The following IPMK variants were observed in gnomAD, a reference collection of about 807,000 sequenced individuals.
IPMK encodes the protein inositol 1,3,4,6-tetrakisphosphate 5-kinase.
A neutral mutation model predicts 45.8 loss-of-function variants in IPMK; 17 were observed. The observed-to-expected ratio is 0.37, with a 90% CI of 0.25 to 0.56. IPMK has a LOEUF of 0.56. Among genes scored for constraint, IPMK ranks in the 20% least tolerant of loss-of-function variants. The probability of loss-of-function intolerance (pLI) is 0.79; values close to 1 mark genes in which losing one functional copy is unlikely to be tolerated. For missense variants in IPMK, 399 were observed against 498.0 expected (o/e 0.80, Z 1.89); for synonymous variants, 180 against 184.3 (o/e 0.98, Z 0.19).
intron 3 of IPMK, among the ~76,000 whole-genome samples, chr10:58,224,872 G>T (rs1394133287): frequency 6.6e-6 from 1 of 152,054 alleles, no homozygotes; most frequent in Non-Finnish European, 1.5e-5. Context: ...TGATCCTGTG[G>T]GCTAAACATG....
chr10:58,236,810 AG>A (rs1027384420), intron 2 of IPMK, among the ~76,000 whole-genome samples: 8 of 150,508 alleles, frequency 5.3e-5, no homozygotes, highest in Admixed American at 5.3e-4. Flanking sequence ...TACTGTGGGG[AG>A]GTTGGGTTGG....
At position 58,267,866 on chromosome 10, in the gene IPMK, G is replaced by A. The variant is rs1166828501; in HGVS notation, c.-255C>T. 2.2e-6 allele frequency: 1 copy of A among 446,484 alleles called. No individual in the cohort carries two copies. Among genetic ancestry groups the A allele is most frequent in the Non-Finnish European group, 3.9e-6 (1 of 253,270 alleles). 27.7% of individuals were successfully genotyped at this position (446,484 alleles called of 1,614,324 possible). A position where few individuals can be genotyped will look rare whatever the true frequency, so the allele number is the denominator to read the frequency against. ...CGCCGCAGCCGCCGGCCCCGGCGCT[G>A]CCCGGTAGACAGAACCGAGCCGAAG... On this transcript the variant is annotated 5_prime_UTR_variant, in exon 1 of 6. Transcript: ENST00000373935.
chr10:58,217,301 T>C (rs1194858246), intron 3 of IPMK, among the ~76,000 whole-genome samples: 2 of 151,874 alleles, frequency 1.3e-5, no homozygotes, highest in Admixed American at 6.6e-5. Context: ...TTATCATACA[T>C]GGCTGACCTG....
chr10:58,205,811 G>A (rs900429217), intron 4 of IPMK, among the ~76,000 whole-genome samples: 2 of 152,022 alleles, frequency 1.3e-5, no homozygotes, highest in Non-Finnish European at 2.9e-5. Flanking sequence ...ACAAAAAACT[G>A]TACCCCAAAA....
intron 4 of IPMK, among the ~76,000 whole-genome samples, chr10:58,208,408 T>C (rs571630687): frequency 7.9e-5 from 12 of 152,356 alleles, no homozygotes; most frequent in Admixed American, 7.2e-4. Flanking sequence ...AGCCCTGTTT[T>C]TGTCATATTA....
chr10:58,208,145 T>C (rs976275049), intron 4 of IPMK, among the ~76,000 whole-genome samples: 12 of 152,106 alleles, frequency 7.9e-5, no homozygotes, highest in Non-Finnish European at 1.5e-4. Flanking sequence ...TTTCACCATG[T>C]TAGCCAGGAT....
In IPMK at chr10:58,262,081, C is replaced by T. The variant is rs554031840; in HGVS notation, c.190+5341G>A. On this transcript the variant is annotated intron_variant, in intron 1 of 5. Transcript: ENST00000373935. ...ACACAGGGCAGGGAACATCACACAC[C>T]GGGGCCTGTCGTGGGGTTGGGGGGA... 3.3e-4 allele frequency among the ~76,000 whole-genome samples: 50 copies of T among 151,590 alleles called. No homozygotes were observed. In the South Asian group the frequency reaches 7.1e-3, roughly 22 times the overall value.
At chr10:58,220,627 TAGTGTC>T (rs1160308947) in intron 3 of IPMK, among the ~76,000 whole-genome samples, 1 of 139,672 alleles carries the variant, frequency 7.2e-6, no homozygotes, top group Non-Finnish European at 1.5e-5. Flanking sequence ...GCACTTAGCA[TAGTGTC>T]AGTCCTCATC....
chr10:58,206,318 G>A (rs1838070899), intron 4 of IPMK, among the ~76,000 whole-genome samples: 1 of 152,146 alleles, frequency 6.6e-6, no homozygotes. Context: ...GAAATTGGTA[G>A]GGACTGCTAA....
rs1400814628 is a variant in IPMK at position 58,216,067 on chromosome 10, A to G, written c.546+78T>C. 6 of 879,364 alleles carry G rather than the reference A, an allele frequency of 6.8e-6. No homozygotes were observed. In the East Asian group the frequency reaches 1.7e-4, roughly 25 times the overall value. 54.5% of individuals were successfully genotyped at this position (879,364 alleles called of 1,614,324 possible). On this transcript the variant is annotated intron_variant, in intron 4 of 5. Transcript: ENST00000373935. ...ATACATTATTTTCTGATATATTAGTACTACAATGACATCCATAATTTTCAA... is the reference window on the plus strand; with the variant it reads ...ATACATTATTTTCTGATATATTAGTGCTACAATGACATCCATAATTTTCAA...
At chr10:58,254,805 A>G (rs936461252) in intron 1 of IPMK, among the ~76,000 whole-genome samples, 2 of 152,240 alleles carry the variant, frequency 1.3e-5, no homozygotes, top group Non-Finnish European at 2.9e-5. Context: ...GAACTAATTC[A>G]TTGCCCTGTC....
At chr10:58,244,420 C>T (rs200536830) in intron 1 of IPMK, among the ~76,000 whole-genome samples, 21 of 69,324 alleles carry the variant, frequency 3.0e-4, no homozygotes, top group East Asian at 2.6e-3. Context: ...GGAGCGCCTC[C>T]GCCCAGCCAC....
chr10:58,245,244 C>T (rs1838779305), intron 1 of IPMK, among the ~76,000 whole-genome samples: 1 of 150,764 alleles, frequency 6.6e-6, no homozygotes, highest in African/African-American at 2.5e-5. Context: ...TCTTAGAAAA[C>T]AGAAAATAGA....
intron 2 of IPMK, among the ~76,000 whole-genome samples, chr10:58,236,684 C>G (rs953503469): frequency 6.6e-6 from 1 of 151,902 alleles, no homozygotes; most frequent in Non-Finnish European, 1.5e-5. Flanking sequence ...GCAGGAGGAT[C>G]GCTTGAGCCC....
intron 2 of IPMK, among the ~76,000 whole-genome samples, chr10:58,236,443 G>T (rs1299974831): frequency 6.6e-6 from 1 of 152,194 alleles, no homozygotes; most frequent in East Asian, 1.9e-4. Context: ...AAATTAAAAA[G>T]ACTTAAGTAG....
At chr10:58,257,030 C>T (rs966215381) in intron 1 of IPMK, among the ~76,000 whole-genome samples, 17 of 152,156 alleles carry the variant, frequency 1.1e-4, no homozygotes, top group Admixed American at 3.9e-4. Context: ...CACACCACCA[C>T]GCTCTGGTCT....
intron 1 of IPMK, among the ~76,000 whole-genome samples, chr10:58,265,939 AT>A (rs1839141128): frequency 6.6e-6 from 1 of 152,178 alleles, no homozygotes; most frequent in South Asian, 2.1e-4. Context: ...TTAGGGAAAC[AT>A]TTACTTTTTC....
At chr10:58,208,731 TA>T (rs1325262726) in intron 4 of IPMK, among the ~76,000 whole-genome samples, 4 of 152,202 alleles carry the variant, frequency 2.6e-5, no homozygotes, top group Admixed American at 6.5e-5. Context: ...TCTTGAAGCT[TA>T]TCTTGTTCTC....
intron 4 of IPMK, among the ~76,000 whole-genome samples, chr10:58,215,078 GTACTTCAAAAT>G (rs75185056): frequency 0.34 from 51,304 of 151,820 alleles, 10,874 homozygotes; most frequent in African/African-American, 0.61. Flanking sequence ...TTAGAATGTG[GTACTTCAAAAT>G]TAAAAAGCCC....
Sources: gnomAD v4.1 joint callset for allele counts (sites outside exome capture counted in the v4.1 genomes callset) on GRCh38, gnomAD v4.1.1 for gene constraint, MANE v1.5 for transcripts, NCBI Gene and HGNC (gene_info 2026-07-23, HGNC 2026-07-21) for gene names.